HDAC4: variants seen among roughly 807,000 people sequenced by gnomAD.
HDAC4 encodes histone deacetylase A.
In HDAC4, 16 loss-of-function variants were observed where a neutral mutation model predicts 135.1. The observed-to-expected ratio is 0.12, with a 90% CI of 0.08 to 0.18. The LOEUF (loss-of-function observed/expected upper bound fraction) is 0.18. Among genes scored for constraint, HDAC4 ranks in the 10% least tolerant of loss-of-function variants. The pLI is 1.00. For missense variants in HDAC4, 1,143 were observed against 1,511.8 expected (o/e 0.76, Z 4.05); for synonymous variants, 685 against 653.4 (o/e 1.05, Z -0.74).
rs1418173505 is a variant in HDAC4, at chr2:239,134,630, T to G, written c.992A>C (p.His331Pro). Residue 331 changes from histidine to proline, a missense_variant, in exon 10 of 27, where the codon CAC (histidine) becomes CCC (proline). Around this residue, in one of 9 missense-constraint regions of HDAC4, gnomAD observed 272 missense variants for 309.7 expected, o/e 0.88. Transcript: ENST00000543185. ...CGAGCCTTCTCGTGCCACAAGTCTG[T>G]GCGCCAAACTCGTCTGGGGACAGAA... Reference protein sequence around the residue: ...PSIPAETSLAHRLVAREGSAA... With the variant: ...PSIPAETSLAPRLVAREGSAA... The G allele has an allele frequency of 6.2e-7, 1 of 1,613,798 alleles. No individual in the cohort carries two copies.
intron 2 of HDAC4, among the ~76,000 whole-genome samples, chr2:239,259,311 G>A (rs755335585): frequency 6.6e-6 from 1 of 152,158 alleles, no homozygotes; most frequent in Non-Finnish European, 1.5e-5. Context: ...TTAGCCAGGC[G>A]TGGTAGAACT....
At chr2:239,053,438 G>A (rs201823646) in intron 26 of HDAC4, 22 bp downstream of exon 26, 1,121 of 1,609,378 alleles carry the variant, frequency 7.0e-4, no homozygotes, top group Non-Finnish European at 9.2e-4. Context: ...GCCTGCAGGC[G>A]GGCGGCAGGG....
intron 1 of HDAC4, among the ~76,000 whole-genome samples, chr2:239,381,054 A>C (rs945711573): frequency 6.6e-6 from 1 of 152,196 alleles, no homozygotes; most frequent in Non-Finnish European, 1.5e-5. Context: ...CAGGATGTTT[A>C]AAGTATATTT....
intron 3 of HDAC4, among the ~76,000 whole-genome samples, chr2:239,229,938 C>T (rs533220814): frequency 7.2e-5 from 11 of 152,140 alleles, no homozygotes; most frequent in African/African-American, 2.7e-4. Context: ...AATTTCCCCC[C>T]CAAGAGGCAG....
chr2:239,385,976 G>T (rs957548853), intron 1 of HDAC4, among the ~76,000 whole-genome samples: 1 of 152,202 alleles, frequency 6.6e-6, no homozygotes, highest in Non-Finnish European at 1.5e-5. Context: ...CCCTAAACAA[G>T]GGCTAAACAA....
intron 2 of HDAC4, among the ~76,000 whole-genome samples, chr2:239,273,565 C>G (rs1371799501): frequency 6.6e-6 from 1 of 152,186 alleles, no homozygotes; most frequent in Non-Finnish European, 1.5e-5. Context: ...TAGACAGCCA[C>G]CTTCAGGACC....
chr2:239,103,591 C>A (rs781688030), intron 15 of HDAC4, among the ~76,000 whole-genome samples: 1 of 152,266 alleles, frequency 6.6e-6, no homozygotes, highest in Non-Finnish European at 1.5e-5. Flanking sequence ...TAGGCCACCA[C>A]AGGATGAGTC....
intron 2 of HDAC4, among the ~76,000 whole-genome samples, chr2:239,297,054 T>G (rs80008722): frequency 0.023 from 3,341 of 145,676 alleles, 119 homozygotes; most frequent in African/African-American, 0.079. Flanking sequence ...AAAAAGGAAT[T>G]AAGTCTTATG....
intron 3 of HDAC4, among the ~76,000 whole-genome samples, chr2:239,216,315 G>GA (rs763164213): frequency 3.7e-4 from 53 of 144,268 alleles, no homozygotes; most frequent in Middle Eastern, 3.6e-3. Context: ...TCTTCCCAGA[G>GA]AAAAAAAAAA....
At chr2:239,199,727 T>C (rs1278876339) in intron 3 of HDAC4, among the ~76,000 whole-genome samples, 4 of 131,364 alleles carry the variant, frequency 3.0e-5, no homozygotes, top group Non-Finnish European at 3.1e-5. Context: ...GGGGTCTTCC[T>C]GTACATTTCT....
intron 12 of HDAC4, among the ~76,000 whole-genome samples, chr2:239,120,633 GA>G (rs1311654262): frequency 1.4e-5 from 2 of 142,620 alleles, no homozygotes; most frequent in Admixed American, 6.9e-5. Context: ...GAAATAGGGG[GA>G]GGGGTGGGGG....
intron 24 of HDAC4, among the ~76,000 whole-genome samples, chr2:239,064,030 C>G (rs924347512): frequency 1.8e-4 from 27 of 152,214 alleles, no homozygotes; most frequent in African/African-American, 6.5e-4. Context: ...GCCCTTAGAT[C>G]AGGAGTCACT....
At chr2:239,202,472 A>AAGGT (rs1416275508) in intron 3 of HDAC4, among the ~76,000 whole-genome samples, 2 of 152,202 alleles carry the variant, frequency 1.3e-5, no homozygotes, top group African/African-American at 4.8e-5. Context: ...GACTCTGGAG[A>AAGGT]AGGTACCCTG....
At chr2:239,263,870 G>C (rs1051788697) in intron 2 of HDAC4, among the ~76,000 whole-genome samples, 1 of 152,180 alleles carries the variant, frequency 6.6e-6, no homozygotes, top group East Asian at 1.9e-4. Flanking sequence ...TGGCTGCCCA[G>C]TGACGCCACT....
At chr2:239,168,638 TC>T (rs2043257866) in intron 5 of HDAC4, among the ~76,000 whole-genome samples, 1 of 152,030 alleles carries the variant, frequency 6.6e-6, no homozygotes, top group African/African-American at 2.4e-5. Context: ...GTGCTTCGTG[TC>T]CCCCGCGCCG....
At chr2:239,144,546 G>A in intron 8 of HDAC4, 37 bp downstream of exon 8, 2 of 1,612,242 alleles carry the variant, frequency 1.2e-6, no homozygotes, top group Non-Finnish European at 1.7e-6. Context: ...CTGGCAGAGA[G>A]GGCAGCGGGG....
chr2:239,339,396 C>G (rs1323172029), intron 2 of HDAC4, among the ~76,000 whole-genome samples: 1 of 152,160 alleles, frequency 6.6e-6, no homozygotes, highest in Non-Finnish European at 1.5e-5. Context: ...GGCAATGGGC[C>G]CAGTCCAGGT....
intron 2 of HDAC4, among the ~76,000 whole-genome samples, chr2:239,278,531 C>T (rs886220284): frequency 7.9e-5 from 12 of 152,030 alleles, no homozygotes; most frequent in African/African-American, 2.9e-4. Context: ...AAAAATTAGC[C>T]GGGCATGGTG....
chr2:239,117,776 G>C (rs2152818149), intron 12 of HDAC4, among the ~76,000 whole-genome samples: 1 of 152,274 alleles, frequency 6.6e-6, no homozygotes, highest in South Asian at 2.1e-4. Flanking sequence ...ACGGCCTGAA[G>C]GGCAGATTCG....
Sources: gnomAD v4.1 joint callset for allele counts (sites outside exome capture counted in the v4.1 genomes callset) on GRCh38, gnomAD v4.1.1 for gene constraint, gnomAD v4.1.1 regional missense constraint, MANE v1.5 for transcripts, NCBI Gene and HGNC (gene_info 2026-07-23, HGNC 2026-07-21) for gene names.